Variants in TRIM25 observed in about 807,000 individuals in gnomAD.
TRIM25 encodes the protein tripartite motif containing 25.
Under a neutral mutation model 65.2 loss-of-function variants are expected in TRIM25, and 45 were observed. The ratio of observed to expected loss-of-function variants is 0.69; its 90% CI spans 0.54 to 0.89. The LOEUF (loss-of-function observed/expected upper bound fraction) is 0.89, where lower values mean the gene tolerates loss of function less well. Ranked by LOEUF, TRIM25 falls within the 40% of genes least tolerant of loss-of-function variation. The probability of loss-of-function intolerance (pLI) is 0.00; values close to 1 mark genes in which losing one functional copy is unlikely to be tolerated. For missense variants in TRIM25, 714 were observed against 803.7 expected, an observed-to-expected ratio of 0.89 and a Z score of 1.35; for synonymous variants, 321 against 340.4, an observed-to-expected ratio of 0.94 and a Z score of 0.63.
intron 8 of TRIM25, among the ~76,000 whole-genome samples, chr17:56,894,478 G>A (rs1290240126): frequency 2.6e-5 from 4 of 152,202 alleles, no homozygotes; most frequent in Admixed American, 2.6e-4. Context: ...TTGAACTCCT[G>A]ACCTCAGGTG....
In TRIM25 at chr17:56,891,211, G is replaced by T; in HGVS notation, c.*489C>A. On this transcript the variant is annotated 3_prime_UTR_variant, in exon 9 of 9. Coordinates refer to ENST00000316881, the MANE Select transcript of TRIM25 (RefSeq NM_005082.5). ...CCAGGAGATCAAGCCCCAACATGCG[G>T]GTAATGGAGTTTATGTAACATTGAA... is the stretch of plus-strand genomic sequence containing the variant. 1 of 340,234 alleles carries T rather than the reference G, an allele frequency of 2.9e-6. No individual in the cohort carries two copies. Among genetic ancestry groups the T allele is most frequent in the East Asian group, 8.1e-5 (1 of 12,296 alleles). 21.1% of individuals were successfully genotyped at this position (340,234 alleles called of 1,614,324 possible).
At position 56,890,324 on chromosome 17, in the gene TRIM25, A is replaced by G. The variant is rs893220919; in HGVS notation, c.*1376T>C. 8.7e-6 allele frequency: 3 copies of G among 344,380 alleles called. No individual in the cohort carries two copies. The highest frequency in any genetic ancestry group is 1.7e-5 in the Non-Finnish European group (3 of 174,488). The allele number at this position is 344,380 out of a possible 1,614,324, so 21.3% of individuals were successfully genotyped here. ...CCCCTTAGTGGACTGGGTTATTTTC[A>G]CCACACAGAAACACTGCAGGGAAAA... On this transcript the variant is annotated 3_prime_UTR_variant, in exon 9 of 9. Coordinates refer to ENST00000316881, the MANE Select transcript of TRIM25 (RefSeq NM_005082.5).
intron 5 of TRIM25, among the ~76,000 whole-genome samples, chr17:56,897,104 C>G (rs1331946985): frequency 6.6e-6 from 1 of 151,930 alleles, no homozygotes; most frequent in Non-Finnish European, 1.5e-5. Flanking sequence ...AAGAGCGAGA[C>G]TCTGTCTCTT....
chr17:56,904,559 G>T, intron 2 of TRIM25, 71 bp from the exon 3 acceptor site: 2 of 1,389,514 alleles, frequency 1.4e-6, no homozygotes, highest in East Asian at 2.3e-5. Context: ...CCAAGCATGG[G>T]TGAGATGTGG....
rs149670810 is a variant in TRIM25 at position 56,913,201 on chromosome 17, T to A, written c.597+191A>T. On this transcript the variant is annotated intron_variant, in intron 1 of 8. Coordinates refer to ENST00000316881, the MANE Select transcript of TRIM25 (RefSeq NM_005082.5). The surrounding 1 kb of genome is among the most constrained non-coding windows in gnomAD (Gnocchi z 6.1). ...GGATTATGGCAAGCAACCTAACCTG[T>A]CTTCATGGATGATGGGAAGGGACTA... is the stretch of plus-strand genomic sequence containing the variant. The A allele has an allele frequency of 7.9e-4, 360 of 453,690 alleles. 2 individuals carry two copies. Among genetic ancestry groups the A allele is most frequent in the African/African-American group, 6.9e-3 (342 of 49,454 alleles). The allele number at this position is 453,690 out of a possible 1,614,324, so 28.1% of individuals were successfully genotyped here.
intron 2 of TRIM25, among the ~76,000 whole-genome samples, chr17:56,907,581 C>T (rs564041869): frequency 2.6e-5 from 4 of 152,268 alleles, no homozygotes; most frequent in South Asian, 4.1e-4. Flanking sequence ...TTAAACGTAT[C>T]GAAAATCTGA....
chr17:56,888,730 G>A lies in TRIM25; in HGVS notation c.*2970C>T, dbSNP rs572212179. 11 of 152,234 alleles carry A rather than the reference G, an allele frequency of 7.2e-5. No homozygotes were observed. Among genetic ancestry groups the A allele is most frequent in the African/African-American group, 1.2e-4 (5 of 41,524 alleles). The allele number at this position is 152,234 out of a possible 1,614,324, so 9.4% of individuals were successfully genotyped here. ...GAGAATTCCTTATCAAAAGCTTCCCGAAGAGGAACTCTATATAGGGCAGGA... is the reference window on the plus strand; with the variant it reads ...GAGAATTCCTTATCAAAAGCTTCCCAAAGAGGAACTCTATATAGGGCAGGA... On this transcript the variant is annotated 3_prime_UTR_variant, in exon 9 of 9. Coordinates refer to ENST00000316881, the MANE Select transcript of TRIM25 (RefSeq NM_005082.5).
intron 3 of TRIM25, among the ~76,000 whole-genome samples, chr17:56,903,151 AGCACTTTGGGAG>A (rs1346329208): frequency 6.6e-6 from 1 of 152,198 alleles, no homozygotes; most frequent in East Asian, 1.9e-4. Flanking sequence ...CTGTAATCTC[AGCACTTTGGGAG>A]GCCGAGGTGG....
chr17:56,899,284 C>G lies in TRIM25; in HGVS notation c.1088-104G>C. On this transcript the variant is annotated intron_variant, in intron 4 of 8. Transcript: ENST00000316881. ...GCAGGCAGAGGGTTTACACAGACAG[C>G]CATTTCCTCCGACCTTCCCCATCCC... 24 of 1,129,698 alleles carry G rather than the reference C, an allele frequency of 2.1e-5. No homozygotes were observed. The South Asian group carries it at 3.2e-4, about 15-fold the overall frequency. The allele number at this position is 1,129,698 out of a possible 1,614,324, so 70.0% of individuals were successfully genotyped here.
At chr17:56,893,411 G>GC (rs886360260) in intron 8 of TRIM25, among the ~76,000 whole-genome samples, 2 of 152,238 alleles carry the variant, frequency 1.3e-5, no homozygotes, top group African/African-American at 4.8e-5. Context: ...GCCGCTAGCA[G>GC]CTTGGGCAAG....
In TRIM25 at chr17:56,913,599, G is replaced by C. The variant is rs1193669793; in HGVS notation, c.390C>G (p.His130Gln). The change falls in exon 1 of 9, where the codon CAC (histidine) becomes CAG (glutamine). Residue 130 changes from histidine (H) to glutamine (Q), a missense_variant. His to Gln is a conservative substitution (Grantham distance 24, BLOSUM62 0). This residue lies in a region of TRIM25 where 291 missense variants were observed against 281.8 expected (regional missense o/e 1.03). Coordinates refer to ENST00000316881, the MANE Select transcript of TRIM25 (RefSeq NM_005082.5). The surrounding 1 kb of genome is among the most constrained non-coding windows in gnomAD (Gnocchi z 6.1). Reference protein sequence around the residue: ...LVCMASFCQEHLQPHFDSPAF... With the variant: ...LVCMASFCQEQLQPHFDSPAF... ...CGGGGCTGTCGAAGTGCGGCTGCAG[G>C]TGCTCCTGACAGAAGGAGGCCATGC... 6.2e-7 allele frequency: 1 copy of C among 1,609,592 alleles called. No individual in the cohort carries two copies. Among genetic ancestry groups the C allele is most frequent in the Non-Finnish European group, 8.5e-7 (1 of 1,177,554 alleles).
intron 5 of TRIM25, among the ~76,000 whole-genome samples, chr17:56,897,448 T>C (rs1006290580): frequency 1.9e-4 from 28 of 150,892 alleles, no homozygotes; most frequent in African/African-American, 6.6e-4. Flanking sequence ...GTCACATCAC[T>C]CACAGTCGCT....
chr17:56,903,379 C>A (rs1461529795), intron 3 of TRIM25, among the ~76,000 whole-genome samples: 1 of 152,158 alleles, frequency 6.6e-6, no homozygotes, highest in Non-Finnish European at 1.5e-5. Flanking sequence ...GCCTGAGCAA[C>A]AAGAGTGAAA....
chr17:56,898,553 G>A (rs1378389050), intron 5 of TRIM25, among the ~76,000 whole-genome samples: 1 of 152,130 alleles, frequency 6.6e-6, no homozygotes, highest in Non-Finnish European at 1.5e-5. Flanking sequence ...TGGGGGAGGG[G>A]GAGTAAAAAA....
chr17:56,893,948 G>C (rs796547571), intron 8 of TRIM25, among the ~76,000 whole-genome samples: 3 of 152,286 alleles, frequency 2.0e-5, no homozygotes, highest in African/African-American at 7.2e-5. Flanking sequence ...ACGAGGATTA[G>C]ACTTCAGGCT....
intron 3 of TRIM25, among the ~76,000 whole-genome samples, chr17:56,903,703 T>A (rs1165958206): frequency 6.6e-6 from 1 of 152,176 alleles, no homozygotes; most frequent in Non-Finnish European, 1.5e-5. Context: ...GTAATTAGCA[T>A]CTCAAATCAA....
intron 3 of TRIM25, among the ~76,000 whole-genome samples, chr17:56,902,833 C>T (rs1382685254): frequency 6.6e-6 from 1 of 152,128 alleles, no homozygotes; most frequent in Non-Finnish European, 1.5e-5. Context: ...GTGTTCGTGT[C>T]GTGGGGGTGG....
chr17:56,909,028 G>T (rs1310562104), intron 1 of TRIM25, among the ~76,000 whole-genome samples: 1 of 152,042 alleles, frequency 6.6e-6, no homozygotes, highest in Non-Finnish European at 1.5e-5. Flanking sequence ...AGGACAGAAA[G>T]GTGGCCAAGC....
In TRIM25 at chr17:56,905,356, G is replaced by A. The variant is rs190663856; in HGVS notation, c.694-868C>T. Among the ~76,000 whole-genome samples, 7 of 152,042 alleles carry A rather than the reference G, an allele frequency of 4.6e-5. No homozygotes were observed. In the East Asian group the frequency reaches 7.7e-4, roughly 17 times the overall value. On this transcript the variant is annotated intron_variant, in intron 2 of 8. Transcript: ENST00000316881. Reference sequence around the variant, plus strand: ...TCCAGCCTGGGAGACACAGCGAGACGCTATCTCAAAAAAATAAAATAAAAT... The same window carrying A: ...TCCAGCCTGGGAGACACAGCGAGACACTATCTCAAAAAAATAAAATAAAAT...
Sources: gnomAD v4.1 joint callset for allele counts (sites outside exome capture counted in the v4.1 genomes callset) on GRCh38, gnomAD v4.1.1 for gene constraint, gnomAD v4.1.1 regional missense constraint, Gnocchi (gnomAD v3.1) non-coding constraint, MANE v1.5 for transcripts, NCBI Gene and HGNC (gene_info 2026-07-23, HGNC 2026-07-21) for gene names.